DLGAP2: variants seen among roughly 807,000 people sequenced by gnomAD.
The protein encoded by DLGAP2 is disks large-associated protein 2.
Under a neutral mutation model 100.3 loss-of-function variants are expected in DLGAP2, and 26 were observed. The observed-to-expected ratio is 0.26, with a 90% confidence interval of 0.19 to 0.36. The LOEUF (loss-of-function observed/expected upper bound fraction) is 0.36. DLGAP2 is among the 10% of genes least tolerant of loss of function. DLGAP2 has a pLI of 1.00. For synonymous variants in DLGAP2, 886 were observed against 630.1 expected (o/e 1.41, Z -6.08); for missense variants, 1,858 against 1,453.2 (o/e 1.28, Z -4.53).
At position 1,133,268 on chromosome 8, in the gene DLGAP2, T is replaced by G. The variant is rs76444193; in HGVS notation, c.74-125583T>G. Among the ~76,000 whole-genome samples the G allele has an allele frequency of 4.2e-3, 640 of 152,218 alleles. 14 individuals are homozygous for G. Among genetic ancestry groups the G allele is most frequent in the East Asian group, 4.8e-3 (25 of 5,186 alleles). Reference sequence around the variant, plus strand: ...TTTCCTTTACTTCCATGCCTGGGGGTTTGCAGGCTCCTGAAAGTGGGGGGT... The same window carrying G: ...TTTCCTTTACTTCCATGCCTGGGGGGTTGCAGGCTCCTGAAAGTGGGGGGT... On this transcript the variant is annotated intron_variant, in intron 2 of 14. Coordinates refer to ENST00000637795, the MANE Select transcript of DLGAP2 (RefSeq NM_001346810.2).
chr8:927,121 C>G, intron 2 of DLGAP2: 3 of 985,404 alleles, frequency 3.0e-6, no homozygotes, highest in Middle Eastern at 1.0e-3. Flanking sequence ...TCGGAGCAAA[C>G]TAATCGATTG....
At chr8:1,113,680 G>T (rs550176145) in intron 2 of DLGAP2, among the ~76,000 whole-genome samples, 1 of 152,116 alleles carries the variant, frequency 6.6e-6, no homozygotes, top group South Asian at 2.1e-4. Flanking sequence ...CTGCTTGGAT[G>T]CCCTTTATTT....
At chr8:1,271,531 A>C (rs1799584152) in intron 3 of DLGAP2, among the ~76,000 whole-genome samples, 2 of 152,236 alleles carry the variant, frequency 1.3e-5, no homozygotes, top group Admixed American at 6.5e-5. Context: ...CGAACGAGAT[A>C]GTTGTACATC....
chr8:1,323,180 C>A (rs1177269451), intron 3 of DLGAP2, among the ~76,000 whole-genome samples: 1 of 152,140 alleles, frequency 6.6e-6, no homozygotes, highest in East Asian at 1.9e-4. Flanking sequence ...CAGGCACCAG[C>A]CTCCACGCCC....
intron 2 of DLGAP2, among the ~76,000 whole-genome samples, chr8:1,168,344 G>A (rs574968156): frequency 0.06 from 9,046 of 151,836 alleles, 723 homozygotes; most frequent in African/African-American, 0.19. Flanking sequence ...ATAAACATAC[G>A]TGTGCATGTG....
intron 3 of DLGAP2, among the ~76,000 whole-genome samples, chr8:1,357,312 G>A (rs536342772): frequency 4.6e-5 from 7 of 152,120 alleles, no homozygotes; most frequent in Non-Finnish European, 7.4e-5. Flanking sequence ...CCACAGACTG[G>A]CTAGTGGATG....
intron 2 of DLGAP2, among the ~76,000 whole-genome samples, chr8:1,045,495 T>C (rs1163948240): frequency 1.3e-5 from 2 of 152,252 alleles, no homozygotes; most frequent in Non-Finnish European, 2.9e-5. Flanking sequence ...ATCATTTTCT[T>C]GGATGAAACC....
intron 2 of DLGAP2, among the ~76,000 whole-genome samples, chr8:1,201,404 C>T (rs1040435920): frequency 2.0e-5 from 3 of 152,138 alleles, no homozygotes; most frequent in Non-Finnish European, 4.4e-5. Context: ...GCCTTCTGTT[C>T]CCTGCAGGGC....
At chr8:1,697,348 T>G in intron 14 of DLGAP2, 49 bp downstream of exon 14, 1 of 1,540,644 alleles carries the variant, frequency 6.5e-7, no homozygotes, top group Non-Finnish European at 8.8e-7. Context: ...CCTTTCTCAC[T>G]GCACTAACGA....
At chr8:971,782 G>A (rs770203823) in intron 2 of DLGAP2, among the ~76,000 whole-genome samples, 1 of 152,132 alleles carries the variant, frequency 6.6e-6, no homozygotes, top group Non-Finnish European at 1.5e-5. Context: ...ACAGACTTGG[G>A]TTTTATGGGA....
intron 3 of DLGAP2, among the ~76,000 whole-genome samples, chr8:1,382,863 A>G (rs938653979): frequency 4.6e-5 from 7 of 152,334 alleles, no homozygotes; most frequent in Admixed American, 1.3e-4. Context: ...ATCCCCCCCA[A>G]AAAAGTTCTA....
intron 3 of DLGAP2, chr8:1,259,510 C>G (rs9693421): frequency 6.6e-6 from 1 of 152,002 alleles, no homozygotes; most frequent in Admixed American, 6.5e-5. Context: ...CCCCTATTAG[C>G]GGGGACTCTG....
chr8:922,433 A>G (rs1472461047), intron 2 of DLGAP2, among the ~76,000 whole-genome samples: 2 of 152,256 alleles, frequency 1.3e-5, no homozygotes, highest in African/African-American at 2.4e-5. Flanking sequence ...TTTAAAAGTA[A>G]TTCCAGGAAG....
chr8:1,506,202 A>G (rs1799907068), intron 4 of DLGAP2, among the ~76,000 whole-genome samples: 1 of 152,238 alleles, frequency 6.6e-6, no homozygotes, highest in African/African-American at 2.4e-5. Context: ...TCTCACAGGA[A>G]TTCCCCTTGG....
chr8:1,156,256 C>G (rs558992494), intron 2 of DLGAP2, among the ~76,000 whole-genome samples: 1 of 152,268 alleles, frequency 6.6e-6, no homozygotes, highest in Admixed American at 6.5e-5. Context: ...GGGTAGGTCT[C>G]CTCCTCCTTC....
chr8:827,623 C>T (rs754839264), intron 1 of DLGAP2, among the ~76,000 whole-genome samples: 5 of 152,178 alleles, frequency 3.3e-5, no homozygotes, highest in Non-Finnish European at 7.3e-5. Context: ...GATATTTTGT[C>T]TCATTTGAAA....
rs369360791 is a variant in DLGAP2 at position 1,530,555 on chromosome 8, TTAAAG to T, written c.173-18065_173-18061del. Among the ~76,000 whole-genome samples the T allele has an allele frequency of 1.4e-3, 220 of 152,226 alleles. 1 individual carries two copies. In the East Asian group the frequency reaches 0.039, roughly 27 times the overall value. On this transcript the variant is annotated intron_variant, in intron 4 of 14. Transcript: ENST00000637795. ...CTCCTCAGCTGACAGGATTAAGAGA[TTAAAG>T]TAAAGACAGGCATAGGAAATCACAA...
chr8:1,373,341 C>A (rs1000470605), intron 3 of DLGAP2, among the ~76,000 whole-genome samples: 1 of 151,846 alleles, frequency 6.6e-6, no homozygotes, highest in Admixed American at 6.6e-5. Context: ...TCCGGAGGCG[C>A]CGCGCCTGGA....
intron 2 of DLGAP2, among the ~76,000 whole-genome samples, chr8:1,077,418 C>G (rs73542007): frequency 0.046 from 7,044 of 152,156 alleles, 537 homozygotes; most frequent in African/African-American, 0.16. Context: ...AGCAGAGGGG[C>G]GGTGGTGATG....
Sources: gnomAD v4.1 joint callset for allele counts (sites outside exome capture counted in the v4.1 genomes callset) on GRCh38, gnomAD v4.1.1 for gene constraint, MANE v1.5 for transcripts, NCBI Gene and HGNC (gene_info 2026-07-23, HGNC 2026-07-21) for gene names.